Variants in INSC observed in about 807,000 individuals in gnomAD.
The protein encoded by INSC is protein inscuteable homolog.
In INSC, 67 loss-of-function variants were observed where a neutral mutation model predicts 58.6. That is an observed-to-expected ratio of 1.14 (90% confidence interval 0.94 to 1.40). INSC has a LOEUF of 1.40. Ranked by LOEUF, INSC falls within the 40% of genes most tolerant of loss-of-function variation. INSC has a pLI of 0.00. For missense variants in INSC, 714 were observed against 692.0 expected, an observed-to-expected ratio of 1.03 and a Z score of -0.36; for synonymous variants, 262 against 276.1, an observed-to-expected ratio of 0.95 and a Z score of 0.51.
At chr11:15,138,247 T>C (rs1479937778) in intron 1 of INSC, among the ~76,000 whole-genome samples, 1 of 152,048 alleles carries the variant, frequency 6.6e-6, no homozygotes, top group Non-Finnish European at 1.5e-5. Flanking sequence ...ACAATAGTAA[T>C]GAAAAATTGG....
intron 1 of INSC, among the ~76,000 whole-genome samples, chr11:15,123,375 G>T (rs1050946002): frequency 6.6e-6 from 1 of 152,126 alleles, no homozygotes; most frequent in African/African-American, 2.4e-5. Flanking sequence ...ATCCTAGCAG[G>T]TATCATGGTA....
intron 6 of INSC, among the ~76,000 whole-genome samples, chr11:15,198,607 G>T (rs1002406174): frequency 5.9e-5 from 9 of 151,846 alleles, no homozygotes; most frequent in African/African-American, 2.2e-4. Flanking sequence ...CATATATAGA[G>T]AAATAATATT....
chr11:15,133,769 C>G (rs926355920), intron 1 of INSC, among the ~76,000 whole-genome samples: 5 of 152,198 alleles, frequency 3.3e-5, no homozygotes, highest in Admixed American at 6.5e-5. Flanking sequence ...CCTGGTTCTT[C>G]TTTTGCTTTA....
At chr11:15,192,883 T>C (rs1850230678) in intron 6 of INSC, among the ~76,000 whole-genome samples, 1 of 152,234 alleles carries the variant, frequency 6.6e-6, no homozygotes, top group Non-Finnish European at 1.5e-5. Flanking sequence ...ACTAGATTCA[T>C]ATATATTGGA....
intron 1 of INSC, among the ~76,000 whole-genome samples, chr11:15,125,997 C>G (rs1847986463): frequency 6.6e-6 from 1 of 152,042 alleles, no homozygotes; most frequent in South Asian, 2.1e-4. Context: ...CATAAGGGAC[C>G]TGTTGGGGAA....
intron 2 of INSC, among the ~76,000 whole-genome samples, chr11:15,159,836 A>G (rs1848952805): frequency 6.6e-6 from 1 of 152,240 alleles, no homozygotes; most frequent in African/African-American, 2.4e-5. Context: ...TCCACATGAT[A>G]ATTGGCATAG....
intron 2 of INSC, among the ~76,000 whole-genome samples, chr11:15,166,611 C>T (rs993392604): frequency 6.6e-6 from 1 of 152,154 alleles, no homozygotes; most frequent in Non-Finnish European, 1.5e-5. Flanking sequence ...TTGTGTAACT[C>T]CTTGCAAGTT....
intron 1 of INSC, among the ~76,000 whole-genome samples, chr11:15,128,145 C>A (rs1036408846): frequency 1.3e-5 from 2 of 152,088 alleles, no homozygotes; most frequent in East Asian, 1.9e-4. Context: ...TTTCTGAGAA[C>A]CTTTTTTGTA....
chr11:15,153,306 G>A (rs1590368858), intron 2 of INSC, among the ~76,000 whole-genome samples: 1 of 152,200 alleles, frequency 6.6e-6, no homozygotes, highest in East Asian at 1.9e-4. Context: ...AGTATGAGAT[G>A]AGCCTGGACT....
At chr11:15,112,285 G>T, upstream of INSC, 1 of 481,780 alleles carries the variant, frequency 2.1e-6, no homozygotes, top group Non-Finnish European at 3.7e-6. Flanking sequence ...AGGGGGTCGA[G>T]GGGGAGGAAG....
At chr11:15,240,298 G>A (rs1852294382) in intron 11 of INSC, 149 bp from the exon 12 acceptor site, 1 of 662,042 alleles carries the variant, frequency 1.5e-6, no homozygotes, top group Admixed American at 2.3e-5. Context: ...TCACCACTGA[G>A]GGAGTAGTAA....
intron 12 of INSC, among the ~76,000 whole-genome samples, chr11:15,245,516 A>G (rs1852527358): frequency 6.6e-6 from 1 of 152,096 alleles, no homozygotes; most frequent in Admixed American, 6.5e-5. Flanking sequence ...CTACTTTTAC[A>G]ATATGTTCTC....
At chr11:15,112,303 T>G (rs1847587462), upstream of INSC, 1 of 498,568 alleles carries the variant, frequency 2.0e-6, no homozygotes, top group South Asian at 3.8e-5. Context: ...AAGCTTCAAC[T>G]CTGAGCTCCC....
chr11:15,115,133 G>C, intron 1 of INSC, 130 bp downstream of exon 1: 3 of 511,336 alleles, frequency 5.9e-6, no homozygotes, highest in Non-Finnish European at 7.6e-6. Context: ...GCTTGTGAAG[G>C]GGAGCTTGCG....
At chr11:15,187,417 C>T (rs987841249) in intron 5 of INSC, among the ~76,000 whole-genome samples, 1 of 152,106 alleles carries the variant, frequency 6.6e-6, no homozygotes, top group Non-Finnish European at 1.5e-5. Flanking sequence ...TTATGTAACC[C>T]CTTTGCACAG....
At chr11:15,219,295 T>C (rs1392777222) in intron 7 of INSC, among the ~76,000 whole-genome samples, 1 of 152,120 alleles carries the variant, frequency 6.6e-6, no homozygotes, top group African/African-American at 2.4e-5. Flanking sequence ...GCAAAGGTAC[T>C]TGGGCATGGG....
chr11:15,264,646 C>T, the INSC span, among the ~76,000 whole-genome samples: 1 of 149,960 alleles, frequency 6.7e-6, no homozygotes, highest in South Asian at 2.1e-4. Flanking sequence ...GCTGCGGCTA[C>T]TGCTGCGTAT....
At chr11:15,178,528 T>C (rs943528884) in intron 5 of INSC, 81 bp downstream of exon 5, 12 of 1,509,220 alleles carry the variant, frequency 8.0e-6, no homozygotes, top group Non-Finnish European at 8.9e-6. Context: ...TGAGCCAGGC[T>C]TGGGGAAGCT....
intron 2 of INSC, among the ~76,000 whole-genome samples, chr11:15,159,764 A>G (rs779639411): frequency 5.3e-5 from 8 of 152,208 alleles, no homozygotes; most frequent in Non-Finnish European, 7.3e-5. Flanking sequence ...AAGTAAAATC[A>G]TAAGAGTACC....
Sources: allele counts gnomAD v4.1 joint callset (sites outside exome capture counted in the v4.1 genomes callset), GRCh38; gene constraint gnomAD v4.1.1; transcripts MANE v1.5; gene names NCBI Gene and HGNC (gene_info 2026-07-23, HGNC 2026-07-21).